RIMS1: variants seen among roughly 807,000 people sequenced by gnomAD.
RIMS1 encodes regulating synaptic membrane exocytosis 1.
A neutral mutation model predicts 214.1 loss-of-function variants in RIMS1; 83 were observed. The ratio of observed to expected loss-of-function variants is 0.39; its 90% CI spans 0.32 to 0.47. The LOEUF is 0.47. Among genes scored for constraint, RIMS1 ranks in the 20% least tolerant of loss-of-function variants. The pLI is 0.99. For synonymous variants in RIMS1, 793 were observed against 786.8 expected (o/e 1.01, Z -0.13); for missense variants, 2,050 against 2,161.8 (o/e 0.95, Z 1.03).
At chr6:72,309,247 A>G (rs1467100867) in intron 27 of RIMS1, among the ~76,000 whole-genome samples, 2 of 152,126 alleles carry the variant, frequency 1.3e-5, no homozygotes, top group South Asian at 2.1e-4. Flanking sequence ...CTAAACCACC[A>G]CTAGTAGTCA....
intron 2 of RIMS1, among the ~76,000 whole-genome samples, chr6:72,032,052 T>A (rs1818261982): frequency 1.3e-5 from 2 of 152,122 alleles, no homozygotes; most frequent in South Asian, 4.1e-4. Context: ...AGACTAATGA[T>A]GCATTTATAT....
chr6:72,197,609 A>G (rs936806842), intron 6 of RIMS1, among the ~76,000 whole-genome samples: 1 of 152,128 alleles, frequency 6.6e-6, no homozygotes, highest in African/African-American at 2.4e-5. Flanking sequence ...AAGTGCTTCG[A>G]CAAAGGTGAC....
chr6:71,899,312 C>A (rs1447840150), intron 1 of RIMS1, among the ~76,000 whole-genome samples: 1 of 151,252 alleles, frequency 6.6e-6, no homozygotes, highest in South Asian at 2.1e-4. Flanking sequence ...GTTTTTTTTA[C>A]TCTTAAAAGC....
intron 2 of RIMS1, among the ~76,000 whole-genome samples, chr6:72,001,120 C>T (rs1236458830): frequency 1.3e-5 from 2 of 152,070 alleles, no homozygotes; most frequent in Admixed American, 1.3e-4. Flanking sequence ...CTGAAAATAT[C>T]AGAATTACCT....
At chr6:72,333,865 TC>T in intron 29 of RIMS1, 30 bp downstream of exon 29, 5 of 1,459,374 alleles carry the variant, frequency 3.4e-6, no homozygotes, top group Non-Finnish European at 4.7e-6. Flanking sequence ...CCTAAACAAC[TC>T]AATTCTTTTA....
chr6:72,178,640 C>A (rs569870024), intron 4 of RIMS1, among the ~76,000 whole-genome samples: 1 of 152,146 alleles, frequency 6.6e-6, no homozygotes, highest in South Asian at 2.1e-4. Flanking sequence ...AGTCACAGCA[C>A]AAAGAAACAG....
intron 29 of RIMS1, among the ~76,000 whole-genome samples, chr6:72,347,580 A>T (rs919103548): frequency 3.3e-5 from 5 of 151,706 alleles, no homozygotes; most frequent in African/African-American, 1.2e-4. Flanking sequence ...ATAGTAAAAA[A>T]TGTCCACTTT....
chr6:72,332,048 T>C (rs1377209787), intron 28 of RIMS1, among the ~76,000 whole-genome samples: 1 of 151,818 alleles, frequency 6.6e-6, no homozygotes, highest in Admixed American at 6.6e-5. Flanking sequence ...CTCATACCAA[T>C]TTCTCTCTCA....
chr6:72,275,900 T>C (rs1472478657), intron 23 of RIMS1, among the ~76,000 whole-genome samples: 1 of 152,198 alleles, frequency 6.6e-6, no homozygotes, highest in African/African-American at 2.4e-5. Flanking sequence ...GAACTTAGAA[T>C]TTTCTTTTAG....
At chr6:72,151,375 C>T (rs112746064) in intron 4 of RIMS1, among the ~76,000 whole-genome samples, 17,905 of 152,052 alleles carry the variant, frequency 0.12, 1,287 homozygotes, top group South Asian at 0.18. Context: ...ACGTAACCAG[C>T]GGAATCAGGA....
chr6:72,214,638 TC>T (rs2054945161), intron 6 of RIMS1, among the ~76,000 whole-genome samples: 2 of 151,640 alleles, frequency 1.3e-5, no homozygotes, highest in East Asian at 3.9e-4. Flanking sequence ...ATCTCAAAAC[TC>T]AAGCACAACA....
intron 4 of RIMS1, among the ~76,000 whole-genome samples, chr6:72,162,576 A>C (rs1321163368): frequency 1.4e-5 from 2 of 140,314 alleles, no homozygotes; most frequent in Non-Finnish European, 1.6e-5. Context: ...CTTGTAAGGC[A>C]GGCCTGGTGG....
At chr6:72,081,676 C>A (rs1833440817) in intron 2 of RIMS1, among the ~76,000 whole-genome samples, 1 of 151,698 alleles carries the variant, frequency 6.6e-6, no homozygotes, top group South Asian at 2.1e-4. Context: ...GGTAGGGGTT[C>A]TGGGTTACAT....
chr6:72,188,800 C>T (rs550045514), intron 6 of RIMS1, among the ~76,000 whole-genome samples: 11 of 152,286 alleles, frequency 7.2e-5, no homozygotes, highest in East Asian at 1.9e-4. Flanking sequence ...TACTAAGAGA[C>T]GCCCTAAGGG....
intron 2 of RIMS1, among the ~76,000 whole-genome samples, chr6:72,065,806 C>A (rs1349437992): frequency 1.3e-5 from 2 of 151,620 alleles, no homozygotes; most frequent in Admixed American, 6.6e-5. Context: ...TTCAGGCTAG[C>A]TGAGTCAAGA....
In RIMS1 at chr6:72,353,151, GTTT is replaced by G. The variant is rs111652061; in HGVS notation, c.4366+19321_4366+19323del. 7.3e-3 allele frequency among the ~76,000 whole-genome samples: 1,110 copies of G among 151,572 alleles called. 15 individuals carry two copies. Among genetic ancestry groups the G allele is most frequent in the African/African-American group, 0.026 (1,062 of 41,322 alleles). On this transcript the variant is annotated intron_variant, in intron 29 of 33. Coordinates refer to ENST00000521978, the MANE Select transcript of RIMS1 (RefSeq NM_014989.7). ...AGGCACCCACTACCACGCTCAGCTA[GTTT>G]TTTTATTTTTAGTAGAGACGGGGTT...
At chr6:71,949,560 A>C (rs889984036) in intron 1 of RIMS1, among the ~76,000 whole-genome samples, 3 of 152,204 alleles carry the variant, frequency 2.0e-5, no homozygotes, top group African/African-American at 7.2e-5. Context: ...CTGAAAATGA[A>C]GAATAAGTAT....
chr6:71,942,964 TACTA>T (rs1786625902), intron 1 of RIMS1, among the ~76,000 whole-genome samples: 1 of 151,996 alleles, frequency 6.6e-6, no homozygotes, highest in Admixed American at 6.5e-5. Flanking sequence ...GGAAAATGAG[TACTA>T]AAAGGGAAAG....
chr6:72,046,644 G>T (rs1374655681), intron 2 of RIMS1, among the ~76,000 whole-genome samples: 1 of 152,024 alleles, frequency 6.6e-6, no homozygotes, highest in African/African-American at 2.4e-5. Context: ...CAGGGCAGGT[G>T]CCAGTTATTC....
Sources: gnomAD v4.1 joint callset for allele counts (sites outside exome capture counted in the v4.1 genomes callset) on GRCh38, gnomAD v4.1.1 for gene constraint, MANE v1.5 for transcripts, NCBI Gene and HGNC (gene_info 2026-07-23, HGNC 2026-07-21) for gene names.